UBE2N: variants seen among roughly 807,000 people sequenced by gnomAD.
UBE2N encodes ubiquitin conjugating enzyme E2 N, also known as ubiquitin-conjugating enzyme E2 N.
For synonymous variants in UBE2N, 70 were observed against 69.2 expected (o/e 1.01, Z -0.06); for missense variants, 60 against 192.1 (o/e 0.31, Z 4.07).
chr12:93,419,874 G>A (rs1009234908), intron 1 of UBE2N, among the ~76,000 whole-genome samples: 2 of 152,162 alleles, frequency 1.3e-5, no homozygotes, highest in African/African-American at 4.8e-5. Context: ...GCAAAGCTAA[G>A]ACAATTTTGT....
intron 1 of UBE2N, among the ~76,000 whole-genome samples, chr12:93,427,770 T>A (rs918550119): frequency 6.6e-6 from 1 of 152,236 alleles, no homozygotes; most frequent in African/African-American, 2.4e-5. Context: ...AAAAAATAAA[T>A]GAAGCATTTG....
chr12:93,405,966 TAAC>T lies in UBE2N; in HGVS notation c.*4070_*4072del, dbSNP rs1161933343. 1 of 152,072 alleles carries T rather than the reference TAAC, an allele frequency of 6.6e-6. No individual in the cohort carries two copies. The highest frequency in any genetic ancestry group is 2.4e-5 in the African/African-American group (1 of 41,424). The allele number at this position is 152,072 out of a possible 1,614,324, so 9.4% of individuals were successfully genotyped here. The stretch of plus-strand genomic sequence containing the variant: ...GATAAGGTTGTATTGCTACTGCAAC[TAAC>T]AAAAAAGATGTGGCAGGGCTGGGCA... On this transcript the variant is annotated 3_prime_UTR_variant, in exon 4 of 4. Transcript: ENST00000318066.
chr12:93,423,898 C>T (rs970201048), intron 1 of UBE2N, among the ~76,000 whole-genome samples: 2 of 152,148 alleles, frequency 1.3e-5, no homozygotes, highest in Non-Finnish European at 2.9e-5. Context: ...TTTATGCCAA[C>T]GTTCAATATC....
In UBE2N at chr12:93,432,933, GTTT is replaced by G. The variant is rs71071735; in HGVS notation, c.30+8919_30+8921del. ...GAAATTTTAGAATAGCTTCATTCAG[GTTT>G]TTTTTTTTTTTTGAGACGGAGTCTT... On this transcript the variant is annotated intron_variant, in intron 1 of 3. Transcript: ENST00000318066. 8.8e-4 allele frequency among the ~76,000 whole-genome samples: 117 copies of G among 132,654 alleles called. 1 individual carries two copies. The highest frequency in any genetic ancestry group is 3.2e-3 in the African/African-American group (114 of 35,500). The allele number at this position is 132,654 out of a possible 152,430, so 87.0% of individuals were successfully genotyped here. A position where few individuals can be genotyped will look rare whatever the true frequency, so the allele number is the denominator to read the frequency against.
intron 1 of UBE2N, among the ~76,000 whole-genome samples, chr12:93,440,358 C>A (rs1317432307): frequency 6.6e-6 from 1 of 152,196 alleles, no homozygotes; most frequent in Non-Finnish European, 1.5e-5. Context: ...TAAATCCACA[C>A]ACAACAAATT....
Position 93,405,881 on chromosome 12 carries a change from T to G in UBE2N, c.*4158A>C, listed in dbSNP as rs1441309308. The G allele has an allele frequency of 1.3e-5, 2 of 152,178 alleles. No homozygotes were observed. Among genetic ancestry groups the G allele is most frequent in the Non-Finnish European group, 2.9e-5 (2 of 68,014 alleles). The allele number at this position is 152,178 out of a possible 1,614,324, so 9.4% of individuals were successfully genotyped here. ...AATGAAATATTACATTTTTCTTAAA[T>G]AAAGCAATAAATTAGGTACCCTATT... On this transcript the variant is annotated 3_prime_UTR_variant, in exon 4 of 4. Coordinates refer to ENST00000318066, the MANE Select transcript of UBE2N (RefSeq NM_003348.4).
intron 1 of UBE2N, among the ~76,000 whole-genome samples, chr12:93,423,239 A>G (rs1878473095): frequency 6.6e-6 from 1 of 152,216 alleles, no homozygotes; most frequent in African/African-American, 2.4e-5. Flanking sequence ...GCCCTCCTGA[A>G]GAATGTGTGA....
chr12:93,436,801 A>AT (rs1158492208), intron 1 of UBE2N, among the ~76,000 whole-genome samples: 1 of 152,230 alleles, frequency 6.6e-6, no homozygotes. Flanking sequence ...GGTCCAGAAG[A>AT]TAAGGCAGAA....
chr12:93,424,330 T>G (rs1878509545), intron 1 of UBE2N: 2 of 152,228 alleles, frequency 1.3e-5, no homozygotes, highest in South Asian at 4.1e-4. Flanking sequence ...CAAAATTTAA[T>G]GCCTGAGGAC....
chr12:93,435,173 A>G (rs1041247116), intron 1 of UBE2N, among the ~76,000 whole-genome samples: 1 of 152,078 alleles, frequency 6.6e-6, no homozygotes, highest in East Asian at 1.9e-4. Flanking sequence ...GTATTTTCAG[A>G]GCTTAAAACA....
chr12:93,439,863 A>G (rs1038219186), intron 1 of UBE2N, among the ~76,000 whole-genome samples: 19 of 133,498 alleles, frequency 1.4e-4, no homozygotes, highest in African/African-American at 5.2e-4. Flanking sequence ...ATACCGTAAA[A>G]TTAAGATTAT....
At chr12:93,423,436 A>C (rs541267105) in intron 1 of UBE2N, among the ~76,000 whole-genome samples, 1 of 152,222 alleles carries the variant, frequency 6.6e-6, no homozygotes, top group Non-Finnish European at 1.5e-5. Context: ...CTTTGGGATT[A>C]AATGAAGTCA....
intron 1 of UBE2N, among the ~76,000 whole-genome samples, chr12:93,427,625 T>C (rs1261710019): frequency 1.3e-5 from 2 of 152,072 alleles, no homozygotes; most frequent in Non-Finnish European, 2.9e-5. Context: ...GAGCACAGGG[T>C]TTTTCTTTTT....
At position 93,441,916 on chromosome 12, in the gene UBE2N, C is replaced by T. The variant is rs114496701; in HGVS notation, c.-32G>A. ...AGAACCCGAGTTCGGCCTCTGGTCT[C>T]GTCTCCGGCTCCTCTCGCCTCACGC... On this transcript the variant is annotated 5_prime_UTR_variant, in exon 1 of 4. Transcript: ENST00000318066. 1.7e-5 allele frequency: 27 copies of T among 1,565,864 alleles called. 1 individual carries two copies. The highest frequency in any genetic ancestry group is 5.2e-5 in the East Asian group (2 of 38,388).
chr12:93,408,222 G>A lies in UBE2N; in HGVS notation c.*1817C>T, dbSNP rs12822459. 2 of 152,144 alleles carry A rather than the reference G, an allele frequency of 1.3e-5. No homozygotes were observed. Among genetic ancestry groups the A allele is most frequent in the Non-Finnish European group, 2.9e-5 (2 of 68,022 alleles). 9.4% of individuals were successfully genotyped at this position (152,144 alleles called of 1,614,324 possible). On this transcript the variant is annotated 3_prime_UTR_variant, in exon 4 of 4. Transcript: ENST00000318066. The stretch of plus-strand genomic sequence containing the variant: ...CAAATGTACCCTTTAAACAGCCCAA[G>A]AATTGTTATAAATGACAGCTGCTAT...
chr12:93,426,774 C>T (rs1878600997), intron 1 of UBE2N, among the ~76,000 whole-genome samples: 1 of 152,138 alleles, frequency 6.6e-6, no homozygotes, highest in African/African-American at 2.4e-5. Context: ...AGGACTCTGC[C>T]AGGGGCTCCT....
rs770631026 is a variant in UBE2N at position 93,410,003 on chromosome 12, CAGG to C, written c.*33_*35del. On this transcript the variant is annotated 3_prime_UTR_variant, in exon 4 of 4. Coordinates refer to ENST00000318066, the MANE Select transcript of UBE2N (RefSeq NM_003348.4). ...CAAAGAGGAGGAAGTCTTGGCAGAACAGGAGAAGTGATGCACACTTGATGATCG... is the reference window on the plus strand; with the variant it reads ...CAAAGAGGAGGAAGTCTTGGCAGAACAGAAGTGATGCACACTTGATGATCG... 5.1e-5 allele frequency: 82 copies of C among 1,606,338 alleles called. No individual in the cohort carries two copies. The highest frequency in any genetic ancestry group is 1.7e-4 in the Admixed American group (10 of 59,588).
At chr12:93,434,268 G>A (rs1878857124) in intron 1 of UBE2N, among the ~76,000 whole-genome samples, 1 of 152,196 alleles carries the variant, frequency 6.6e-6, no homozygotes, top group Admixed American at 6.5e-5. Flanking sequence ...CTCCAGCCTG[G>A]CGACAGAGCG....
intron 1 of UBE2N, among the ~76,000 whole-genome samples, chr12:93,439,581 T>C (rs1006872912): frequency 1.3e-5 from 2 of 152,196 alleles, no homozygotes; most frequent in Admixed American, 6.5e-5. Context: ...CTCAGGACAA[T>C]ACCGTTACCC....
Sources: allele counts gnomAD v4.1 joint callset (sites outside exome capture counted in the v4.1 genomes callset), GRCh38; gene constraint gnomAD v4.1.1; transcripts MANE v1.5; gene names NCBI Gene and HGNC (gene_info 2026-07-23, HGNC 2026-07-21).